STX8: variants seen among roughly 807,000 people sequenced by gnomAD.
STX8 encodes syntaxin 8.
In STX8, 23 loss-of-function variants were observed where a neutral mutation model predicts 37.5. That is an observed-to-expected ratio of 0.61 (90% confidence interval 0.44 to 0.87). The LOEUF (loss-of-function observed/expected upper bound fraction) is 0.87. Ranked by LOEUF, STX8 falls within the 40% of genes least tolerant of loss-of-function variation. STX8 has a pLI of 0.00. For synonymous variants in STX8, 115 were observed against 99.1 expected, an observed-to-expected ratio of 1.16 and a Z score of -0.95; for missense variants, 313 against 284.7, an observed-to-expected ratio of 1.10 and a Z score of -0.71.
At position 9,507,165 on chromosome 17, in the gene STX8, A is replaced by C. The variant is rs2142503599; in HGVS notation, c.324-2003T>G. 6.6e-6 allele frequency among the ~76,000 whole-genome samples: 1 copy of C among 152,132 alleles called. No individual in the cohort carries two copies. The highest frequency in any genetic ancestry group is 2.1e-4 in the South Asian group (1 of 4,814). ...TACGCTCCTGCATCCCGGATCTATG[A>C]AACAGTCGGGCAGTGCAGCCCCCTA... is the stretch of plus-strand genomic sequence containing the variant. On this transcript the variant is annotated intron_variant, in intron 4 of 7. Coordinates refer to ENST00000306357, the MANE Select transcript of STX8 (RefSeq NM_004853.3). The surrounding 1 kb of genome is among the most constrained non-coding windows in gnomAD (Gnocchi z 4.0).
intron 6 of STX8, among the ~76,000 whole-genome samples, chr17:9,430,555 C>G (rs534515338): frequency 7.3e-5 from 11 of 151,466 alleles, no homozygotes; most frequent in African/African-American, 2.2e-4. Flanking sequence ...AAACTTCATT[C>G]TTTTTATGGC....
chr17:9,378,349 C>T, intron 7 of STX8: 1 of 501,886 alleles, frequency 2.0e-6, no homozygotes, highest in Non-Finnish European at 3.6e-6. Flanking sequence ...AACAAAAAAA[C>T]AATGAATGAT....
chr17:9,347,125 A>G (rs1910560869), intron 7 of STX8, among the ~76,000 whole-genome samples: 1 of 151,166 alleles, frequency 6.6e-6, no homozygotes, highest in African/African-American at 2.4e-5. Flanking sequence ...GAGAAACTCC[A>G]TCTCAAAAAA....
rs539204985 is a variant in STX8, at chr17:9,560,491, C to T, written c.118-2963G>A. On this transcript the variant is annotated intron_variant, in intron 2 of 7. Coordinates refer to ENST00000306357, the MANE Select transcript of STX8 (RefSeq NM_004853.3). Reference sequence around the variant, plus strand: ...GGGCATTCCTAAATTTAAGTAATACCTAGGGAGAGTTTTTTAAATTGTTAT... The same window carrying T: ...GGGCATTCCTAAATTTAAGTAATACTTAGGGAGAGTTTTTTAAATTGTTAT... Among the ~76,000 whole-genome samples the T allele has an allele frequency of 1.8e-4, 27 of 150,692 alleles. No homozygotes were observed. The South Asian group carries it at 3.4e-3, about 19-fold the overall frequency.
intron 6 of STX8, among the ~76,000 whole-genome samples, chr17:9,458,316 AT>A (rs943574572): frequency 2.6e-5 from 4 of 152,068 alleles, no homozygotes; most frequent in Admixed American, 6.6e-5. Flanking sequence ...CGCCTGGCTA[AT>A]TTTTTGTATT....
chr17:9,430,163 A>T (rs547315721), intron 6 of STX8, among the ~76,000 whole-genome samples: 153 of 107,380 alleles, frequency 1.4e-3, no homozygotes, highest in African/African-American at 3.4e-3. Flanking sequence ...AAAATATAAA[A>T]TATATATAAT....
intron 6 of STX8, among the ~76,000 whole-genome samples, chr17:9,454,881 C>T (rs1905144878): frequency 6.6e-6 from 1 of 151,952 alleles, no homozygotes; most frequent in Non-Finnish European, 1.5e-5. Flanking sequence ...TTATCTTACA[C>T]TCAGGAATAT....
chr17:9,464,033 C>T (rs1257871647), intron 6 of STX8, among the ~76,000 whole-genome samples: 1 of 152,158 alleles, frequency 6.6e-6, no homozygotes, highest in African/African-American at 2.4e-5. Context: ...CGTGATAGGG[C>T]CACTGCACTC....
chr17:9,262,569 TTTTTG>T (rs1292954031), intron 7 of STX8, among the ~76,000 whole-genome samples: 4 of 149,842 alleles, frequency 2.7e-5, no homozygotes, highest in Non-Finnish European at 5.9e-5. Context: ...TTTTTTGTTT[TTTTTG>T]TTTTGTTTTG....
intron 2 of STX8, among the ~76,000 whole-genome samples, chr17:9,563,763 TC>T (rs1468528136): frequency 6.6e-6 from 1 of 151,490 alleles, no homozygotes; most frequent in Non-Finnish European, 1.5e-5. Context: ...AAAAAGCAAC[TC>T]CTGAAAATGA....
intron 7 of STX8, among the ~76,000 whole-genome samples, chr17:9,373,132 A>G (rs2142275888): frequency 6.7e-6 from 1 of 149,062 alleles, no homozygotes; most frequent in South Asian, 2.1e-4. Flanking sequence ...AAAAGAAAAG[A>G]AAAAGAAAAA....
chr17:9,428,627 A>G (rs1330692320), intron 6 of STX8, among the ~76,000 whole-genome samples: 1 of 152,250 alleles, frequency 6.6e-6, no homozygotes, highest in Non-Finnish European at 1.5e-5. Flanking sequence ...ATAGAAATGT[A>G]ATGTGAACCA....
intron 6 of STX8, among the ~76,000 whole-genome samples, chr17:9,401,394 A>T (rs1000244706): frequency 3.9e-5 from 6 of 152,146 alleles, no homozygotes; most frequent in African/African-American, 1.4e-4. Context: ...ATTTTGAAGC[A>T]CTCTAACCAT....
intron 4 of STX8, 22 bp from the exon 5 acceptor site, chr17:9,505,184 A>G (rs375680150): frequency 1.3e-6 from 2 of 1,595,384 alleles, no homozygotes; most frequent in East Asian, 2.2e-5. Context: ...TATTAAATGC[A>G]TGATATATCT....
chr17:9,380,254 G>T (rs112616325), intron 6 of STX8, among the ~76,000 whole-genome samples: 14 of 89,432 alleles, frequency 1.6e-4, no homozygotes, highest in African/African-American at 4.3e-4. Context: ...ATTTCTGTGT[G>T]TTTTTTTTTT....
intron 7 of STX8, among the ~76,000 whole-genome samples, chr17:9,347,514 ACTTT>A (rs1242903211): frequency 5.9e-5 from 9 of 152,210 alleles, no homozygotes; most frequent in African/African-American, 1.4e-4. Flanking sequence ...TTATTCCAGA[ACTTT>A]CTTTTTCTTT....
intron 6 of STX8, among the ~76,000 whole-genome samples, chr17:9,397,476 T>C (rs1912443923): frequency 6.6e-6 from 1 of 152,126 alleles, no homozygotes; most frequent in Non-Finnish European, 1.5e-5. Flanking sequence ...GTTGGAATGA[T>C]AGTCTACAGA....
intron 4 of STX8, among the ~76,000 whole-genome samples, chr17:9,539,065 T>G (rs1318801118): frequency 6.6e-6 from 1 of 152,232 alleles, no homozygotes; most frequent in African/African-American, 2.4e-5. Flanking sequence ...AACCATTGCT[T>G]ATTTAGACCA....
Position 9,378,558 on chromosome 17 carries a change from A to T in STX8, c.637T>A (p.Ser213Thr). ...TAACGTAGCTATCTCTTACCACAAG[A>T]GGCTGACTTTCTGTCCACCATGTTT... is the stretch of plus-strand genomic sequence containing the variant. ...RVNMVDRKSA[S>T]CGMIMVILLL... Residue 213 changes from serine to threonine, a missense_variant, in exon 7 of 8, where the codon TCT becomes ACT. By Grantham distance (58) the Ser-to-Thr change is moderately conservative. Transcript: ENST00000306357. 10 of 1,613,346 alleles carry T rather than the reference A, an allele frequency of 6.2e-6. No homozygotes were observed. Among genetic ancestry groups the T allele is most frequent in the Non-Finnish European group, 8.5e-6 (10 of 1,179,404 alleles).
Sources: allele counts gnomAD v4.1 joint callset (sites outside exome capture counted in the v4.1 genomes callset), GRCh38; gene constraint gnomAD v4.1.1; non-coding constraint Gnocchi (gnomAD v3.1); transcripts MANE v1.5; gene names NCBI Gene and HGNC (gene_info 2026-07-23, HGNC 2026-07-21).